Variants in OSBPL6 observed in about 807,000 individuals in gnomAD.
OSBPL6 encodes oxysterol binding protein like 6.
OSBPL6 carries 49 observed loss-of-function variants against 125.8 expected under a neutral mutation model. The ratio of observed to expected loss-of-function variants is 0.39; its 90% CI spans 0.31 to 0.49. The LOEUF (loss-of-function observed/expected upper bound fraction) is 0.49. OSBPL6 is among the 20% of genes least tolerant of loss of function. The probability of loss-of-function intolerance (pLI) is 0.88; values close to 1 mark genes in which losing one functional copy is unlikely to be tolerated. For synonymous variants in OSBPL6, 394 were observed against 391.8 expected (o/e 1.01, Z -0.07); for missense variants, 986 against 1,135.4 (o/e 0.87, Z 1.89).
chr2:178,389,220 A>G, intron 21 of OSBPL6, 67 bp downstream of exon 21: 1 of 1,446,318 alleles, frequency 6.9e-7, no homozygotes, highest in Non-Finnish European at 9.5e-7. Context: ...GAAATAGAAT[A>G]ATCACCTTAA....
At chr2:178,320,496 T>C in intron 3 of OSBPL6, 1 of 1,306,772 alleles carries the variant, frequency 7.7e-7, no homozygotes, top group Admixed American at 2.0e-5. Flanking sequence ...GGAAACTTGA[T>C]TTTAGAAGAA....
intron 11 of OSBPL6, chr2:178,344,297 CGCGAAGGGCCAGTTCAGCACAACTCG>C: frequency 5.0e-6 from 8 of 1,614,098 alleles, no homozygotes; most frequent in Non-Finnish European, 6.8e-6. Flanking sequence ...AAGGGCCACC[CGCGAAGGGCCAGTTCAGCACAACTCG>C]GCGCCGGCAG....
At chr2:178,385,725 T>C (rs1271971826) in intron 19 of OSBPL6, among the ~76,000 whole-genome samples, 2 of 152,206 alleles carry the variant, frequency 1.3e-5, no homozygotes, top group South Asian at 2.1e-4. Context: ...ATTGCTTATC[T>C]TGGAAACAAT....
intron 1 of OSBPL6, among the ~76,000 whole-genome samples, chr2:178,205,540 G>A (rs2089480593): frequency 6.6e-6 from 1 of 152,110 alleles, no homozygotes; most frequent in African/African-American, 2.4e-5. Context: ...AAGAAAATAA[G>A]CAAAGATTTC....
chr2:178,265,097 G>A lies in OSBPL6; in HGVS notation c.-350-19830G>A, dbSNP rs956912291. The stretch of plus-strand genomic sequence containing the variant: ...CTCTGTTGCTATGTTGTACTGGCGG[G>A]TCTTTAACTCCTGGTCTCAAGCAGT... On this transcript the variant is annotated intron_variant, in intron 1 of 24. Coordinates refer to ENST00000190611, the MANE Select transcript of OSBPL6 (RefSeq NM_032523.4). Among the ~76,000 whole-genome samples the A allele has an allele frequency of 3.4e-5, 5 of 147,512 alleles. No individual in the cohort carries two copies. In the Admixed American group the frequency reaches 3.4e-4, roughly 10 times the overall value.
chr2:178,222,578 G>A (rs1324582413), intron 1 of OSBPL6, among the ~76,000 whole-genome samples: 4 of 152,218 alleles, frequency 2.6e-5, no homozygotes, highest in Admixed American at 6.5e-5. Context: ...AGGAGGCGGA[G>A]CTTGCAGTGA....
chr2:178,194,924 A>G (rs1358302762), intron 1 of OSBPL6, among the ~76,000 whole-genome samples: 2 of 152,058 alleles, frequency 1.3e-5, no homozygotes, highest in African/African-American at 4.8e-5. Flanking sequence ...GGGCGTCTGT[A>G]TCGCGGTCCC....
chr2:178,372,097 A>AT, intron 13 of OSBPL6, 29 bp from the exon 14 acceptor site: 1 of 1,514,502 alleles, frequency 6.6e-7, no homozygotes, highest in Non-Finnish European at 9.2e-7. Context: ...TTAATTTTAA[A>AT]TTACATATGT....
At chr2:178,370,514 G>GT (rs1693277887) in intron 13 of OSBPL6, among the ~76,000 whole-genome samples, 1 of 152,052 alleles carries the variant, frequency 6.6e-6, no homozygotes, top group Admixed American at 6.6e-5. Context: ...TCGTTGCTGG[G>GT]TTTTTTTCTA....
rs548783065 is a variant in OSBPL6 at position 178,398,655 on chromosome 2, A to G, written c.*3096A>G. On this transcript the variant is annotated 3_prime_UTR_variant, in exon 25 of 25. Transcript: ENST00000190611. ...TATTTAAGATAACTTTTAATGGTACATATCAACTATATGTGGGGAAAAAAT... is the reference window on the plus strand; with the variant it reads ...TATTTAAGATAACTTTTAATGGTACGTATCAACTATATGTGGGGAAAAAAT... 2.0e-5 allele frequency: 3 copies of G among 152,350 alleles called. No homozygotes were observed. Among genetic ancestry groups the G allele is most frequent in the African/African-American group, 7.2e-5 (3 of 41,578 alleles). 9.4% of individuals were successfully genotyped at this position (152,350 alleles called of 1,614,324 possible). A position where few individuals can be genotyped will look rare whatever the true frequency, so the allele number is the denominator to read the frequency against.
At chr2:178,307,800 G>GC (rs916166197) in intron 3 of OSBPL6, among the ~76,000 whole-genome samples, 1 of 152,064 alleles carries the variant, frequency 6.6e-6, no homozygotes, top group Admixed American at 6.5e-5. Flanking sequence ...AGTTGACCCG[G>GC]CTCACCCTGG....
At chr2:178,329,804 G>A (rs1689037240) in intron 5 of OSBPL6, among the ~76,000 whole-genome samples, 1 of 152,158 alleles carries the variant, frequency 6.6e-6, no homozygotes, top group Non-Finnish European at 1.5e-5. Flanking sequence ...ATCTGCACGT[G>A]GATTTCATCT....
chr2:178,335,071 T>C (rs1043480310), intron 8 of OSBPL6, among the ~76,000 whole-genome samples: 1 of 152,186 alleles, frequency 6.6e-6, no homozygotes, highest in African/African-American at 2.4e-5. Flanking sequence ...CCTTGTTAAA[T>C]GAGAAATGTA....
intron 2 of OSBPL6, among the ~76,000 whole-genome samples, chr2:178,288,316 A>T (rs1437100284): frequency 6.6e-6 from 1 of 152,200 alleles, no homozygotes; most frequent in African/African-American, 2.4e-5. Flanking sequence ...AAAAGGAGTG[A>T]GACCCCAAAA....
intron 9 of OSBPL6, among the ~76,000 whole-genome samples, chr2:178,338,787 T>C (rs1689933552): frequency 6.6e-6 from 1 of 152,198 alleles, no homozygotes; most frequent in Non-Finnish European, 1.5e-5. Context: ...CTATTAACTT[T>C]TAAGAGTGAG....
In OSBPL6 at chr2:178,395,654, C is replaced by A; in HGVS notation, c.*95C>A. 1 of 967,746 alleles carries A rather than the reference C, an allele frequency of 1.0e-6. No individual in the cohort carries two copies. Among genetic ancestry groups the A allele is most frequent in the South Asian group, 1.5e-5 (1 of 68,316 alleles). The allele number at this position is 967,746 out of a possible 1,614,324, so 59.9% of individuals were successfully genotyped here. On this transcript the variant is annotated 3_prime_UTR_variant, in exon 25 of 25. Coordinates refer to ENST00000190611, the MANE Select transcript of OSBPL6 (RefSeq NM_032523.4). ...TTATAGCTATGTGTGGTTTCTGGGT[C>A]AACTGAAAACCTACCATTTGCTTTT...
rs117627894 is a variant in OSBPL6, at chr2:178,324,252, C to T, written c.178C>T (p.Pro60Ser). 5.6e-4 allele frequency: 874 copies of T among 1,572,082 alleles called. 10 individuals carry two copies. In the East Asian group the frequency reaches 0.018, roughly 33 times the overall value. Residue 60 changes from proline (P) to serine (S), a missense_variant, in exon 4 of 25, where the codon CCA (proline) becomes TCA (serine). Transcript: ENST00000190611. Reference sequence around the variant, plus strand: ...AAGTCGGCAATTGCTAGAACCGGAGCCAGTCCCCCTCTCCAAGGTCAGTGA... The same window carrying T: ...AAGTCGGCAATTGCTAGAACCGGAGTCAGTCCCCCTCTCCAAGGTCAGTGA... ...SVSRQLLEPE[P>S]VPLSKEADSW...
intron 13 of OSBPL6, among the ~76,000 whole-genome samples, chr2:178,364,679 A>G (rs1355512806): frequency 1.3e-5 from 2 of 152,150 alleles, no homozygotes; most frequent in African/African-American, 4.8e-5. Flanking sequence ...TAGGTATTTG[A>G]TGATGGATTT....
intron 1 of OSBPL6, among the ~76,000 whole-genome samples, chr2:178,214,063 A>C (rs1268416704): frequency 6.6e-6 from 1 of 152,090 alleles, no homozygotes. Flanking sequence ...ATGATGTCCC[A>C]CTATCCTGTA....
Sources: allele counts gnomAD v4.1 joint callset (sites outside exome capture counted in the v4.1 genomes callset), GRCh38; gene constraint gnomAD v4.1.1; transcripts MANE v1.5; gene names NCBI Gene and HGNC (gene_info 2026-07-23, HGNC 2026-07-21).